Variants in LPP observed in about 807,000 individuals in gnomAD.
LPP encodes LIM domain containing preferred translocation partner in lipoma, also known as lipoma-preferred partner.
LPP carries 38 observed loss-of-function variants against 60.4 expected under a neutral mutation model. The ratio of observed to expected loss-of-function variants is 0.63; its 90% CI spans 0.49 to 0.83. The LOEUF (loss-of-function observed/expected upper bound fraction) is 0.83. Among genes scored for constraint, LPP ranks in the 40% least tolerant of loss-of-function variants. The pLI is 0.00. For missense variants in LPP, 902 were observed against 783.6 expected, an observed-to-expected ratio of 1.15 and a Z score of -1.80; for synonymous variants, 328 against 290.8, an observed-to-expected ratio of 1.13 and a Z score of -1.30.
chr3:188,609,702 A>G lies in LPP; in HGVS notation c.971A>G (p.Asn324Ser). ...ACCTATGGTCAACAAGGTCACCCAA[A>G]TACCTGGAAACGGGAACCAGGGTAC... ...DPTYGQQGHP[N>S]TWKREPGYTP... is the part of the protein sequence containing the mutation. The change falls in exon 7 of 12, where the codon AAT becomes AGT. Residue 324 changes from asparagine (N) to serine (S), a missense_variant. Transcript: ENST00000617246. The surrounding 1 kb of genome is among the most constrained non-coding windows in gnomAD (Gnocchi z 6.9). The G allele has an allele frequency of 6.2e-7, 1 of 1,614,134 alleles. No individual in the cohort carries two copies. Among genetic ancestry groups the G allele is most frequent in the Non-Finnish European group, 8.5e-7 (1 of 1,180,014 alleles).
chr3:188,410,852 T>C (rs1784732732), intron 4 of LPP, among the ~76,000 whole-genome samples: 1 of 152,174 alleles, frequency 6.6e-6, no homozygotes, highest in Non-Finnish European at 1.5e-5. Flanking sequence ...GCCCGAGCAG[T>C]GTACACTGTA....
At chr3:188,170,407 T>C (rs569508625) in intron 1 of LPP, among the ~76,000 whole-genome samples, 1 of 150,310 alleles carries the variant, frequency 6.7e-6, no homozygotes, top group Non-Finnish European at 1.5e-5. Flanking sequence ...TTCGGCTGAC[T>C]GCAACCTCCG....
chr3:188,727,050 G>T (rs2149977640), intron 8 of LPP, among the ~76,000 whole-genome samples: 1 of 152,206 alleles, frequency 6.6e-6, no homozygotes, highest in South Asian at 2.1e-4. Context: ...ACACAGGTAG[G>T]TCTACAATTT....
At chr3:188,832,939 A>G (rs1289756003) in intron 9 of LPP, among the ~76,000 whole-genome samples, 1 of 152,198 alleles carries the variant, frequency 6.6e-6, no homozygotes, top group Non-Finnish European at 1.5e-5. Flanking sequence ...AGGAAAATGT[A>G]TCTGGCAAGT....
At chr3:188,165,756 A>G (rs2148745306) in intron 1 of LPP, among the ~76,000 whole-genome samples, 1 of 152,338 alleles carries the variant, frequency 6.6e-6, no homozygotes, top group East Asian at 1.9e-4. Flanking sequence ...GGGTTGAGGC[A>G]GTCGATATGA....
In LPP at chr3:188,250,465, G is replaced by A. The variant is rs141827760; in HGVS notation, c.-67+24938G>A. The stretch of plus-strand genomic sequence containing the variant: ...CAAGGCATTGTCCAGTTTCTCCACA[G>A]TATAGGTATTCTTTCCTTTGCAATT... On this transcript the variant is annotated intron_variant, in intron 2 of 11. Transcript: ENST00000617246. 3.0e-4 allele frequency among the ~76,000 whole-genome samples: 45 copies of A among 152,342 alleles called. No homozygotes were observed. The East Asian group carries it at 6.0e-3, about 20-fold the overall frequency.
chr3:188,308,840 TTTCTTCTTG>T (rs1320124543), intron 2 of LPP, among the ~76,000 whole-genome samples: 4 of 140,322 alleles, frequency 2.9e-5, no homozygotes, highest in East Asian at 4.8e-4. Context: ...TGAGTTGTTG[TTTCTTCTTG>T]TTCTTCTTGT....
chr3:188,178,985 A>G, intron 1 of LPP: 2 of 285,216 alleles, frequency 7.0e-6, no homozygotes, highest in South Asian at 6.1e-5. Context: ...GGAGAGAGAG[A>G]GCACGACAAA....
chr3:188,868,816 C>A (rs920442955), intron 10 of LPP, among the ~76,000 whole-genome samples: 1 of 152,212 alleles, frequency 6.6e-6, no homozygotes, highest in African/African-American at 2.4e-5. Flanking sequence ...GTTCAACTCA[C>A]ATTTATAAAG....
At chr3:188,761,922 T>G (rs1234538628) in intron 9 of LPP, among the ~76,000 whole-genome samples, 9 of 152,210 alleles carry the variant, frequency 5.9e-5, no homozygotes, top group African/African-American at 1.4e-4. Flanking sequence ...TGAAATTATT[T>G]ATTGCCACGA....
At chr3:188,727,209 G>A (rs1048306865) in intron 8 of LPP, among the ~76,000 whole-genome samples, 8 of 152,216 alleles carry the variant, frequency 5.3e-5, no homozygotes, top group African/African-American at 1.7e-4. Context: ...TGCAAGGTAG[G>A]GATGATTATA....
In LPP at chr3:188,876,517, C is replaced by T. The variant is rs1192634356; in HGVS notation, c.*2038C>T. 2 of 204,632 alleles carry T rather than the reference C, an allele frequency of 9.8e-6. No individual in the cohort carries two copies. The highest frequency in any genetic ancestry group is 6.0e-5 in the Admixed American group (1 of 16,780). 12.7% of individuals were successfully genotyped at this position (204,632 alleles called of 1,614,324 possible). On this transcript the variant is annotated 3_prime_UTR_variant, in exon 12 of 12. Transcript: ENST00000617246. ...TGTTAGTTTTGGGAGGCAATGTCAA[C>T]TGTGTCTCTGAATTCCTGTCTTCCA...
intron 2 of LPP, among the ~76,000 whole-genome samples, chr3:188,247,746 A>T (rs746517966): frequency 6.6e-6 from 1 of 151,204 alleles, no homozygotes; most frequent in Non-Finnish European, 1.5e-5. Flanking sequence ...TTGCAGTGAG[A>T]CGAGATTGCG....
At chr3:188,179,321 C>T (rs536676311) in intron 1 of LPP, 75 of 458,336 alleles carry the variant, frequency 1.6e-4, no homozygotes, top group East Asian at 1.6e-3. Flanking sequence ...ATGAGCAGCC[C>T]TTCATCACAG....
chr3:188,252,043 T>C (rs1729849262), intron 2 of LPP, among the ~76,000 whole-genome samples: 1 of 79,488 alleles, frequency 1.3e-5, no homozygotes, highest in Non-Finnish European at 2.4e-5. Flanking sequence ...TATATATATA[T>C]ATATATATAT....
At chr3:188,417,570 C>G (rs1786644258) in intron 4 of LPP, among the ~76,000 whole-genome samples, 1 of 152,110 alleles carries the variant, frequency 6.6e-6, no homozygotes, top group Non-Finnish European at 1.5e-5. Flanking sequence ...AGTGACTTCA[C>G]TATGGGTAGA....
chr3:188,679,569 G>A (rs1186271593), intron 7 of LPP, among the ~76,000 whole-genome samples: 30 of 150,566 alleles, frequency 2.0e-4, no homozygotes, highest in Non-Finnish European at 3.4e-4. Context: ...GTGTGCGCGC[G>A]CGCATGTTTA....
At chr3:188,259,100 A>G (rs1249626668) in intron 2 of LPP, among the ~76,000 whole-genome samples, 3 of 152,176 alleles carry the variant, frequency 2.0e-5, no homozygotes, top group Non-Finnish European at 4.4e-5. Context: ...TCACAATCAC[A>G]TCTAATAATT....
At chr3:188,641,219 A>G (rs1347589198) in intron 7 of LPP, among the ~76,000 whole-genome samples, 1 of 152,260 alleles carries the variant, frequency 6.6e-6, no homozygotes, top group Non-Finnish European at 1.5e-5. Flanking sequence ...CCTGTTTTTG[A>G]ATAAACATAA....
Sources: gnomAD v4.1 joint callset for allele counts (sites outside exome capture counted in the v4.1 genomes callset) on GRCh38, gnomAD v4.1.1 for gene constraint, Gnocchi (gnomAD v3.1) non-coding constraint, MANE v1.5 for transcripts, NCBI Gene and HGNC (gene_info 2026-07-23, HGNC 2026-07-21) for gene names.